FYB1: variants seen among roughly 807,000 people sequenced by gnomAD.
FYB1 encodes the protein FYN-binding protein 1.
A neutral mutation model predicts 94.1 loss-of-function variants in FYB1; 41 were observed. That is an observed-to-expected ratio of 0.44 (90% confidence interval 0.34 to 0.57). The LOEUF is 0.57. Among genes scored for constraint, FYB1 ranks in the 20% least tolerant of loss-of-function variants. The pLI, the probability that FYB1 is intolerant of heterozygous loss-of-function variation, is 0.02. For missense variants in FYB1, 1,050 were observed against 976.8 expected (o/e 1.07, Z -1.00); for synonymous variants, 367 against 353.2 (o/e 1.04, Z -0.44).
chr5:39,130,235 G>C (rs1197778285), intron 10 of FYB1, among the ~76,000 whole-genome samples: 1 of 152,102 alleles, frequency 6.6e-6, no homozygotes, highest in Non-Finnish European at 1.5e-5. Flanking sequence ...TAGAGTGATT[G>C]TTACCAGAGG....
intron 2 of FYB1, among the ~76,000 whole-genome samples, chr5:39,171,351 G>A (rs1371094998): frequency 6.6e-6 from 1 of 152,040 alleles, no homozygotes; most frequent in East Asian, 1.9e-4. Context: ...GTATAGAACA[G>A]TAGTTTTTAA....
At chr5:39,236,314 A>T (rs922688683) in intron 1 of FYB1, among the ~76,000 whole-genome samples, 1 of 152,220 alleles carries the variant, frequency 6.6e-6, no homozygotes, top group African/African-American at 2.4e-5. Context: ...CTGGACTTTA[A>T]TAGACTAAAG....
At chr5:39,119,253 G>A (rs941198584) in intron 15 of FYB1, among the ~76,000 whole-genome samples, 1 of 151,896 alleles carries the variant, frequency 6.6e-6, no homozygotes, top group African/African-American at 2.4e-5. Context: ...TCTTATTAAG[G>A]TTCAAAGGAC....
chr5:39,239,901 T>C (rs1204723874), intron 1 of FYB1, among the ~76,000 whole-genome samples: 1 of 152,090 alleles, frequency 6.6e-6, no homozygotes, highest in South Asian at 2.1e-4. Context: ...CATTACTCAA[T>C]TTCAAACTAT....
intron 2 of FYB1, among the ~76,000 whole-genome samples, chr5:39,198,599 C>T (rs1005211926): frequency 6.6e-6 from 1 of 151,950 alleles, no homozygotes; most frequent in East Asian, 1.9e-4. Flanking sequence ...TCAGTAGAAA[C>T]CATGGTACAG....
chr5:39,258,978 C>T (rs561532921), intron 1 of FYB1, among the ~76,000 whole-genome samples: 22 of 152,168 alleles, frequency 1.4e-4, no homozygotes, highest in African/African-American at 5.3e-4. Context: ...ATGCTTTTCC[C>T]TCCTCAGCAA....
intron 1 of FYB1, among the ~76,000 whole-genome samples, chr5:39,249,150 G>A (rs1486809444): frequency 6.7e-6 from 1 of 149,374 alleles, no homozygotes; most frequent in Non-Finnish European, 1.5e-5. Context: ...GCCAAGCACT[G>A]CTGGAGTGTA....
chr5:39,209,840 G>A (rs112834516), intron 1 of FYB1, among the ~76,000 whole-genome samples: 1 of 152,180 alleles, frequency 6.6e-6, no homozygotes, highest in Admixed American at 6.5e-5. Flanking sequence ...ATTTCACCTT[G>A]ATTGGTCATA....
At chr5:39,195,968 G>A (rs1436069660) in intron 2 of FYB1, among the ~76,000 whole-genome samples, 1 of 20,860 alleles carries the variant, frequency 4.8e-5, no homozygotes, top group African/African-American at 7.2e-5. Context: ...TTAGCTTCAT[G>A]ATCAGAAAGC....
intron 2 of FYB1, among the ~76,000 whole-genome samples, chr5:39,185,870 T>C (rs886140384): frequency 6.6e-6 from 1 of 151,886 alleles, no homozygotes; most frequent in Non-Finnish European, 1.5e-5. Context: ...GGTGACTACT[T>C]GAGGGTATGA....
At chr5:39,145,159 A>G (rs1742535183) in intron 3 of FYB1, among the ~76,000 whole-genome samples, 1 of 152,190 alleles carries the variant, frequency 6.6e-6, no homozygotes. Flanking sequence ...TATATGCTTA[A>G]CATTTTTTAC....
chr5:39,117,699 T>A (rs1393727763), intron 16 of FYB1, among the ~76,000 whole-genome samples: 1 of 152,088 alleles, frequency 6.6e-6, no homozygotes, highest in East Asian at 1.9e-4. Context: ...GTCACCTTCC[T>A]CCCATTAAAA....
At chr5:39,134,054 C>A (rs77320587) in intron 9 of FYB1, among the ~76,000 whole-genome samples, 154 bp downstream of exon 9, 2 of 152,244 alleles carry the variant, frequency 1.3e-5, no homozygotes, top group Non-Finnish European at 2.9e-5. Context: ...TTTCAAACGA[C>A]CTTTCACCCA....
At chr5:39,175,866 C>T (rs2150409774) in intron 2 of FYB1, among the ~76,000 whole-genome samples, 1 of 152,170 alleles carries the variant, frequency 6.6e-6, no homozygotes, top group South Asian at 2.1e-4. Context: ...CTTAGGGGCT[C>T]AAGGTCAGGG....
chr5:39,123,479 ATT>A (rs1240174863), intron 13 of FYB1, among the ~76,000 whole-genome samples: 1 of 152,092 alleles, frequency 6.6e-6, no homozygotes, highest in African/African-American at 2.4e-5. Context: ...TGAGGAGTTA[ATT>A]TTTTTGAATA....
chr5:39,204,088 T>G (rs1748622728), intron 1 of FYB1, among the ~76,000 whole-genome samples: 1 of 152,120 alleles, frequency 6.6e-6, no homozygotes, highest in Non-Finnish European at 1.5e-5. Context: ...TCCCCCACCT[T>G]TCATTGCCCC....
At chr5:39,184,991 G>A (rs834252) in intron 2 of FYB1, among the ~76,000 whole-genome samples, 40,920 of 151,984 alleles carry the variant, frequency 0.27, 6,163 homozygotes, top group African/African-American at 0.42. Context: ...ACAAAGTACT[G>A]TAAGTGAAAA....
intron 2 of FYB1, among the ~76,000 whole-genome samples, chr5:39,197,920 A>G (rs16868300): frequency 6.6e-6 from 1 of 152,196 alleles, no homozygotes; most frequent in Non-Finnish European, 1.5e-5. Context: ...CATAAATCAC[A>G]AATACATTTC....
intron 1 of FYB1, among the ~76,000 whole-genome samples, chr5:39,237,088 G>GT (rs1750997519): frequency 6.6e-6 from 1 of 152,100 alleles, no homozygotes; most frequent in Non-Finnish European, 1.5e-5. Context: ...AATTTAACAA[G>GT]TAAGTTGGGC....
Sources: allele counts gnomAD v4.1 joint callset (sites outside exome capture counted in the v4.1 genomes callset), GRCh38; gene constraint gnomAD v4.1.1; transcripts MANE v1.5; gene names NCBI Gene and HGNC (gene_info 2026-07-23, HGNC 2026-07-21).